Variants in FGD3 observed in about 807,000 individuals in gnomAD.
FGD3 encodes the protein FYVE, RhoGEF and PH domain containing 3.
Under a neutral mutation model 71.8 loss-of-function variants are expected in FGD3, and 45 were observed. The ratio of observed to expected loss-of-function variants is 0.63; its 90% CI spans 0.49 to 0.80. FGD3 has a LOEUF of 0.80. FGD3 is among the 30% of genes least tolerant of loss of function. The pLI, the probability that FGD3 is intolerant of heterozygous loss-of-function variation, is 0.00. For synonymous variants in FGD3, 378 were observed against 392.8 expected, an observed-to-expected ratio of 0.96 and a Z score of 0.44; for missense variants, 844 against 951.5, an observed-to-expected ratio of 0.89 and a Z score of 1.49.
At chr9:92,976,101 C>G (rs10992561) in intron 2 of FGD3, 107 bp from the exon 3 acceptor site, 390,982 of 646,802 alleles carry the variant, frequency 0.6, 119,421 homozygotes, top group Middle Eastern at 0.69. Flanking sequence ...TCCAGGCTTT[C>G]GGTGGGGGGC....
At chr9:92,948,752 G>A (rs1858900960) in intron 1 of FGD3, among the ~76,000 whole-genome samples, 1 of 152,260 alleles carries the variant, frequency 6.6e-6, no homozygotes, top group Admixed American at 6.5e-5. Flanking sequence ...AAACCTGGCT[G>A]CTTTCTGGCC....
intron 8 of FGD3, among the ~76,000 whole-genome samples, chr9:93,011,533 T>G (rs1161753790): frequency 6.6e-6 from 1 of 152,226 alleles, no homozygotes; most frequent in Non-Finnish European, 1.5e-5. Context: ...CGACAGAGCC[T>G]GTCTCACTGG....
intron 1 of FGD3, among the ~76,000 whole-genome samples, chr9:92,964,571 A>G (rs1254800194): frequency 1.3e-5 from 2 of 152,126 alleles, no homozygotes; most frequent in African/African-American, 4.8e-5. Flanking sequence ...ATTCAGAGTT[A>G]TTGTGGGCCT....
chr9:93,014,142 C>A, intron 9 of FGD3, 144 bp downstream of exon 9: 2 of 1,037,282 alleles, frequency 1.9e-6, no homozygotes, highest in Non-Finnish European at 1.3e-6. Flanking sequence ...CCCTCTGAGA[C>A]CCTCAGCATC....
intron 3 of FGD3, among the ~76,000 whole-genome samples, chr9:92,999,528 A>G (rs1860777194): frequency 2.0e-5 from 3 of 151,670 alleles, no homozygotes; most frequent in African/African-American, 7.3e-5. Flanking sequence ...TCATCCGTCT[A>G]ATGCGTCGCT....
intron 11 of FGD3, among the ~76,000 whole-genome samples, chr9:93,019,484 T>C (rs2118787049): frequency 1.3e-5 from 2 of 152,364 alleles, no homozygotes; most frequent in East Asian, 3.9e-4. Context: ...GTTTGAAATG[T>C]TGGTGGCTGT....
chr9:92,952,810 C>T (rs1858980471), intron 1 of FGD3, among the ~76,000 whole-genome samples: 1 of 151,972 alleles, frequency 6.6e-6, no homozygotes, highest in South Asian at 2.1e-4. Context: ...GCTGTGATCA[C>T]CCTTAGGTGC....
intron 7 of FGD3, 90 bp downstream of exon 7, chr9:93,010,474 G>A: frequency 7.2e-7 from 1 of 1,381,608 alleles, no homozygotes; most frequent in Non-Finnish European, 9.7e-7. Flanking sequence ...AGAGTCGTGG[G>A]GTCATGGGGG....
chr9:92,961,422 C>T lies in FGD3; in HGVS notation c.-218+13693C>T, dbSNP rs192492363. Among the ~76,000 whole-genome samples the T allele has an allele frequency of 5.3e-5, 8 of 152,200 alleles. No homozygotes were observed. The South Asian group carries it at 6.2e-4, about 12-fold the overall frequency. On this transcript the variant is annotated intron_variant, in intron 1 of 17. Coordinates refer to ENST00000375482, the MANE Select transcript of FGD3 (RefSeq NM_001083536.2). ...CCCTCCATGGTCACCAGGAGTCCTC[C>T]GGGGTAGAGGACTCATTTGAGCCAT...
intron 3 of FGD3, among the ~76,000 whole-genome samples, chr9:92,993,616 T>G (rs562570146): frequency 6.6e-6 from 1 of 152,218 alleles, no homozygotes; most frequent in East Asian, 1.9e-4. Context: ...CCCTCCTCCC[T>G]CCCCTTACCC....
chr9:93,010,547 A>G (rs529744954), intron 7 of FGD3, among the ~76,000 whole-genome samples, 163 bp downstream of exon 7: 84 of 150,702 alleles, frequency 5.6e-4, no homozygotes, highest in Admixed American at 4.4e-3. Flanking sequence ...GGGGAGGGAG[A>G]GAGATGGAGA....
intron 13 of FGD3, among the ~76,000 whole-genome samples, chr9:93,022,105 C>T (rs1258246309): frequency 6.6e-6 from 1 of 152,218 alleles, no homozygotes; most frequent in Non-Finnish European, 1.5e-5. Flanking sequence ...CCACCCACCT[C>T]ACTGGGAGAT....
intron 16 of FGD3, chr9:93,033,176 C>G: frequency 2.3e-6 from 1 of 444,434 alleles, no homozygotes; most frequent in Non-Finnish European, 4.2e-6. Context: ...AAGCTGCCCT[C>G]AAGTCCAGGC....
intron 3 of FGD3, among the ~76,000 whole-genome samples, chr9:92,999,654 C>T (rs1324248263): frequency 5.4e-5 from 8 of 149,010 alleles, no homozygotes; most frequent in Non-Finnish European, 1.2e-4. Flanking sequence ...AGTGCAGTGG[C>T]ACAATCTCAG....
At chr9:92,987,449 AG>A in intron 3 of FGD3, among the ~76,000 whole-genome samples, 1 of 151,038 alleles carries the variant, frequency 6.6e-6, no homozygotes, top group African/African-American at 2.4e-5. Context: ...AAAAAAAGAA[AG>A]AAAGAAAAAA....
rs200349085 is a variant in FGD3, at chr9:93,022,331, C to T, written c.1499C>T (p.Thr500Met). The T allele has an allele frequency of 1.5e-4, 245 of 1,611,530 alleles. No individual in the cohort carries two copies. Among genetic ancestry groups the T allele is most frequent in the Non-Finnish European group, 2.0e-4 (239 of 1,178,794 alleles). The change falls in exon 14 of 18, where the codon ACG becomes ATG. Residue 500 changes from threonine (T) to methionine (M), a missense_variant. By Grantham distance (81) the Thr-to-Met change is moderately conservative. Coordinates refer to ENST00000375482, the MANE Select transcript of FGD3 (RefSeq NM_001083536.2). ...DPSLSPDMPI[T>M]STSPVEPVVT... ...CGGCCTCTGTGTCCCTTCTAGATCACGAGCACCAGCCCTGTGGAGCCTGTG... is the reference window on the plus strand; with the variant it reads ...CGGCCTCTGTGTCCCTTCTAGATCATGAGCACCAGCCCTGTGGAGCCTGTG...
chr9:93,008,041 C>T (rs750482017), intron 6 of FGD3, among the ~76,000 whole-genome samples: 11 of 152,192 alleles, frequency 7.2e-5, no homozygotes, highest in Non-Finnish European at 1.6e-4. Context: ...ATATTTTAAA[C>T]GTTAAACTTT....
At chr9:93,010,136 TGGGCAGCCAGTTCC>T in intron 6 of FGD3, 96 bp from the exon 7 acceptor site, 4 of 1,354,362 alleles carry the variant, frequency 3.0e-6, no homozygotes, top group African/African-American at 1.5e-5. Flanking sequence ...CAGTCAGTTC[TGGGCAGCCAGTTCC>T]GGGCAGCTTC....
intron 10 of FGD3, among the ~76,000 whole-genome samples, chr9:93,016,741 A>G (rs1861712659): frequency 1.3e-5 from 2 of 150,960 alleles, no homozygotes; most frequent in Non-Finnish European, 2.9e-5. Context: ...CTCCTGCTTC[A>G]CCCTCCAGAA....
Sources: gnomAD v4.1 joint callset for allele counts (sites outside exome capture counted in the v4.1 genomes callset) on GRCh38, gnomAD v4.1.1 for gene constraint, MANE v1.5 for transcripts, NCBI Gene and HGNC (gene_info 2026-07-23, HGNC 2026-07-21) for gene names.